ZNF280C: variants seen among roughly 807,000 people sequenced by gnomAD.
ZNF280C encodes the protein suppressor of hairy wing homolog 3.
A neutral mutation model predicts 53.6 loss-of-function variants in ZNF280C; 14 were observed. That is an observed-to-expected ratio of 0.26 (90% CI 0.17 to 0.41). The LOEUF is 0.41. Among genes scored for constraint, ZNF280C ranks in the 10% least tolerant of loss-of-function variants. The pLI is 1.00. For missense variants in ZNF280C, 416 were observed against 547.1 expected (o/e 0.76, Z 2.39); for synonymous variants, 203 against 181.1 (o/e 1.12, Z -0.97).
chrX:130,238,043 G>A (rs971877939), intron 6 of ZNF280C, among the ~76,000 whole-genome samples: 55 of 110,847 alleles, frequency 5.0e-4, no homozygotes, highest in Admixed American at 4.0e-3. Context: ...TTTGGCTTGC[G>A]GTGTTCCCTA....
chrX:130,222,457 A>G (rs1445821530), intron 12 of ZNF280C, among the ~76,000 whole-genome samples: 1 of 111,854 alleles, frequency 8.9e-6, no homozygotes, highest in Non-Finnish European at 1.9e-5. Context: ...ATAAAGAAAT[A>G]AAGTGAGGCA....
At chrX:130,225,415 G>A (rs1206747863) in intron 12 of ZNF280C, among the ~76,000 whole-genome samples, 1 of 110,462 alleles carries the variant, frequency 9.1e-6, no homozygotes, top group Non-Finnish European at 1.9e-5. Flanking sequence ...AAATGTTTGA[G>A]GACTATTACA....
At chrX:130,246,064 G>A (rs2032446659) in intron 3 of ZNF280C, among the ~76,000 whole-genome samples, 1 of 112,003 alleles carries the variant, frequency 8.9e-6, no homozygotes. Context: ...TAGGATTACA[G>A]GGAGGAGATA....
intron 12 of ZNF280C, among the ~76,000 whole-genome samples, chrX:130,226,285 A>G (rs191655018): frequency 8.9e-6 from 1 of 112,315 alleles, no homozygotes; most frequent in East Asian, 2.8e-4. Flanking sequence ...AGTGGGCTAG[A>G]AAGTAGAAAT....
chrX:130,233,547 T>C lies in ZNF280C; in HGVS notation c.771+2667A>G, dbSNP rs111651907. Among the ~76,000 whole-genome samples, 608 of 97,321 alleles carry C rather than the reference T, an allele frequency of 6.2e-3. 4 individuals are homozygous for C. Among genetic ancestry groups the C allele is most frequent in the Non-Finnish European group, 0.01 (516 of 49,413 alleles). 84.5% of individuals were successfully genotyped at this position (97,321 alleles called of 115,157 possible). On this transcript the variant is annotated intron_variant, in intron 8 of 18. Transcript: ENST00000370978. ...AGGAGAATTGCTTGAACCCGGGAGG[T>C]GGAGGTTGCGGTTGTGGTCAGCCGA...
intron 3 of ZNF280C, among the ~76,000 whole-genome samples, chrX:130,244,807 A>G (rs1176363634): frequency 9.4e-6 from 1 of 106,461 alleles, no homozygotes; most frequent in Non-Finnish European, 1.9e-5. Context: ...AAAAGAGAGA[A>G]AAGAATCAGA....
chrX:130,266,869 G>A (rs767767015), intron 1 of ZNF280C, among the ~76,000 whole-genome samples: 3 of 111,520 alleles, frequency 2.7e-5, no homozygotes, highest in South Asian at 3.8e-4. Flanking sequence ...TTGGGAGGCC[G>A]AGGTGGGTGG....
chrX:130,232,142 C>A (rs750835100), intron 8 of ZNF280C, among the ~76,000 whole-genome samples: 3 of 106,400 alleles, frequency 2.8e-5, no homozygotes, highest in African/African-American at 1.0e-4. Context: ...TTGAGCACAG[C>A]TAACCTGCCA....
chrX:130,214,961 T>C (rs1404677489), intron 15 of ZNF280C, among the ~76,000 whole-genome samples: 2 of 112,038 alleles, frequency 1.8e-5, no homozygotes, highest in Non-Finnish European at 3.8e-5. Context: ...CAAATTTCCC[T>C]AACAAACTCA....
At chrX:130,210,008 C>G (rs2032024027) in intron 15 of ZNF280C, among the ~76,000 whole-genome samples, 1 of 111,032 alleles carries the variant, frequency 9.0e-6, no homozygotes, top group Non-Finnish European at 1.9e-5. Context: ...AAAAGAGATC[C>G]TAGAGAGCCA....
At chrX:130,223,171 C>G (rs999978685) in intron 12 of ZNF280C, among the ~76,000 whole-genome samples, 4 of 110,899 alleles carry the variant, frequency 3.6e-5, no homozygotes, top group Non-Finnish European at 7.5e-5. Flanking sequence ...GATTCTCCCC[C>G]CTCAGCCTAC....
Position 130,204,488 on chromosome X carries a change from A to G in ZNF280C, c.*489T>C. 8.6e-6 allele frequency: 1 copy of G among 116,043 alleles called. No individual in the cohort carries two copies. Among genetic ancestry groups the G allele is most frequent in the Non-Finnish European group, 1.9e-5 (1 of 53,908 alleles). 9.6% of individuals were successfully genotyped at this position (116,043 alleles called of 1,213,427 possible). A position where few individuals can be genotyped will look rare whatever the true frequency, so the allele number is the denominator to read the frequency against. On this transcript the variant is annotated 3_prime_UTR_variant, in exon 19 of 19. Coordinates refer to ENST00000370978, the MANE Select transcript of ZNF280C (RefSeq NM_017666.5). ...ACAGGTATCAGTTGTGTCCATCAAAAGGGGACACTGTCCAGGAGTACCCTG... is the reference window on the plus strand; with the variant it reads ...ACAGGTATCAGTTGTGTCCATCAAAGGGGGACACTGTCCAGGAGTACCCTG...
chrX:130,217,383 G>A (rs905568391), intron 13 of ZNF280C, among the ~76,000 whole-genome samples: 3 of 112,151 alleles, frequency 2.7e-5, no homozygotes, highest in East Asian at 5.6e-4. Flanking sequence ...TATATGAAAC[G>A]TCCAGAATAG....
chrX:130,219,184 C>T (rs967910511), intron 13 of ZNF280C, among the ~76,000 whole-genome samples: 1 of 111,635 alleles, frequency 9.0e-6, no homozygotes, highest in African/African-American at 3.3e-5. Context: ...CAAGAGCTAA[C>T]TTTATGTAAA....
At chrX:130,224,022 C>A (rs2032195806) in intron 12 of ZNF280C, among the ~76,000 whole-genome samples, 1 of 111,702 alleles carries the variant, frequency 9.0e-6, no homozygotes, top group African/African-American at 3.3e-5. Flanking sequence ...TTCAGGTACT[C>A]CAAACTTAAC....
At chrX:130,228,207 T>C (rs1489439772) in intron 10 of ZNF280C, among the ~76,000 whole-genome samples, 1 of 112,705 alleles carries the variant, frequency 8.9e-6, no homozygotes, top group African/African-American at 3.2e-5. Flanking sequence ...TGTTCTAATT[T>C]AGTCCCCTAC....
At chrX:130,238,508 C>T (rs2032356275) in intron 6 of ZNF280C, among the ~76,000 whole-genome samples, 1 of 111,311 alleles carries the variant, frequency 9.0e-6, no homozygotes, top group African/African-American at 3.2e-5. Flanking sequence ...CAACTATAAT[C>T]CTATTTACTA....
intron 2 of ZNF280C, among the ~76,000 whole-genome samples, chrX:130,255,661 A>C (rs1435117133): frequency 8.9e-6 from 1 of 112,173 alleles, no homozygotes; most frequent in African/African-American, 3.2e-5. Context: ...AGAATATCAG[A>C]AATTGCCAGG....
rs559547030 is a variant in ZNF280C, at chrX:130,225,745, T to C, written c.1395+1014A>G. Among the ~76,000 whole-genome samples, 49 of 111,425 alleles carry C rather than the reference T, an allele frequency of 4.4e-4. No individual in the cohort carries two copies. In the South Asian group the frequency reaches 0.019, roughly 42 times the overall value. ...AATGTGTTTGGAAATTCTATTTTTA[T>C]GACTTTTTTTCCAATTAACAACTAT... On this transcript the variant is annotated intron_variant, in intron 12 of 18. Transcript: ENST00000370978.
Sources: gnomAD v4.1 joint callset for allele counts (sites outside exome capture counted in the v4.1 genomes callset) on GRCh38, gnomAD v4.1.1 for gene constraint, MANE v1.5 for transcripts, NCBI Gene and HGNC (gene_info 2026-07-23, HGNC 2026-07-21) for gene names.